The following C9orf72 variants were observed in gnomAD, a reference collection of about 807,000 sequenced individuals.
C9orf72 encodes the protein guanine nucleotide exchange factor C9orf72.
In C9orf72, 44 loss-of-function variants were observed where a neutral mutation model predicts 51.6. The ratio of observed to expected loss-of-function variants is 0.85; its 90% CI spans 0.67 to 1.10. The LOEUF is 1.10. Among genes scored for constraint, C9orf72 ranks in the 50% least tolerant of loss-of-function variants. The pLI is 0.00. For missense variants in C9orf72, 607 were observed against 570.6 expected (o/e 1.06, Z -0.65); for synonymous variants, 213 against 194.2 (o/e 1.10, Z -0.81).
chr9:27,550,908 A>G (rs558116872), intron 8 of C9orf72, among the ~76,000 whole-genome samples: 2 of 152,262 alleles, frequency 1.3e-5, no homozygotes, highest in East Asian at 3.9e-4. Context: ...TCAAGGATAT[A>G]TTTACATTTT....
At chr9:27,568,086 C>CAAA (rs11418499) in intron 1 of C9orf72, among the ~76,000 whole-genome samples, 15,590 of 80,268 alleles carry the variant, frequency 0.19, 1,703 homozygotes, top group Non-Finnish European at 0.22. Context: ...GCTAAAAGGT[C>CAAA]AAAAAAAAAA....
chr9:27,566,146 T>C (rs1291040588), intron 2 of C9orf72, among the ~76,000 whole-genome samples: 1 of 152,144 alleles, frequency 6.6e-6, no homozygotes, highest in Non-Finnish European at 1.5e-5. Flanking sequence ...GTAAATAGCA[T>C]TATATATTCA....
chr9:27,559,591 A>T (rs1208374766), intron 6 of C9orf72: 1 of 152,160 alleles, frequency 6.6e-6, no homozygotes. Flanking sequence ...TTAAAAAATT[A>T]GGTTTGCTGA....
chr9:27,560,701 TA>T, intron 5 of C9orf72: 1 of 987,774 alleles, frequency 1.0e-6, no homozygotes, highest in Non-Finnish European at 1.2e-6. Context: ...TTCAAGCCAT[TA>T]AGGCTCTTAG....
intron 1 of C9orf72, among the ~76,000 whole-genome samples, chr9:27,572,386 T>C (rs1348679463): frequency 6.6e-6 from 1 of 152,188 alleles, no homozygotes; most frequent in African/African-American, 2.4e-5. Context: ...CCCTATATGA[T>C]AGTCTTGTTT....
chr9:27,553,388 G>C (rs1587302924), intron 8 of C9orf72, among the ~76,000 whole-genome samples: 1 of 152,050 alleles, frequency 6.6e-6, no homozygotes, highest in South Asian at 2.1e-4. Flanking sequence ...GGAGAATAGA[G>C]AGCCAAGAAA....
In C9orf72 at chr9:27,566,714, G is replaced by A; in HGVS notation, c.407C>T (p.Thr136Ile). The A allele has an allele frequency of 6.2e-7, 1 of 1,612,180 alleles. No homozygotes were observed. The highest frequency in any genetic ancestry group is 1.7e-4 in the Middle Eastern group (1 of 6,040). ...PLHRVCVDRL[T>I]HIIRKGRIWM... Reference sequence around the variant, plus strand: ...TATTCTTCCTTTCCGGATTATATGTGTTAATCTATCAACACACACTCTATG... The same window carrying A: ...TATTCTTCCTTTCCGGATTATATGTATTAATCTATCAACACACACTCTATG... Residue 136 changes from threonine to isoleucine, a missense_variant, in exon 2 of 11, where the codon ACA becomes ATA. Physicochemically the swap from Thr to Ile is moderately conservative, Grantham distance 89. Coordinates refer to ENST00000380003, the MANE Select transcript of C9orf72 (RefSeq NM_018325.5).
intron 5 of C9orf72, 50 bp from the exon 6 acceptor site, chr9:27,560,349 A>G: frequency 6.9e-7 from 1 of 1,453,964 alleles, no homozygotes; most frequent in Middle Eastern, 1.8e-4. Context: ...AAACAATTTA[A>G]CAAACTAAAA....
At position 27,546,581 on chromosome 9, in the gene C9orf72, T is replaced by A. The variant is rs545232414; in HGVS notation, c.*1655A>T. 2 of 152,212 alleles carry A rather than the reference T, an allele frequency of 1.3e-5. No homozygotes were observed. The highest frequency in any genetic ancestry group is 4.8e-5 in the African/African-American group (2 of 41,538). 9.4% of individuals were successfully genotyped at this position (152,212 alleles called of 1,614,324 possible). A position where few individuals can be genotyped will look rare whatever the true frequency, so the allele number is the denominator to read the frequency against. On this transcript the variant is annotated 3_prime_UTR_variant, in exon 11 of 11. Coordinates refer to ENST00000380003, the MANE Select transcript of C9orf72 (RefSeq NM_018325.5). ...ATATATTTTATTCAAAATTCTCCAT[T>A]TAGGAGAAAAGATATATAACAATGT...
At chr9:27,553,665 A>T (rs958997457) in intron 8 of C9orf72, among the ~76,000 whole-genome samples, 1 of 152,178 alleles carries the variant, frequency 6.6e-6, no homozygotes, top group Non-Finnish European at 1.5e-5. Context: ...AGATTTTATG[A>T]TGAAGACGCC....
chr9:27,557,921 T>C (rs10757665), intron 7 of C9orf72, among the ~76,000 whole-genome samples: 29,511 of 151,720 alleles, frequency 0.19, 3,098 homozygotes, highest in Non-Finnish European at 0.23. Flanking sequence ...GGGACTATAA[T>C]TGAAATAACA....
intron 1 of C9orf72, among the ~76,000 whole-genome samples, chr9:27,572,655 G>T (rs1819612562): frequency 6.6e-6 from 1 of 152,110 alleles, no homozygotes; most frequent in Non-Finnish European, 1.5e-5. Flanking sequence ...GGAAAGTGCA[G>T]GACCTCCCTC....
At chr9:27,566,616 A>G (rs2131544999) in intron 2 of C9orf72, 61 bp downstream of exon 2, 1 of 1,151,888 alleles carries the variant, frequency 8.7e-7, no homozygotes, top group South Asian at 1.5e-5. Context: ...ATTTATATGT[A>G]CCAGAAAATA....
chr9:27,573,422 C>G lies in C9orf72; in HGVS notation c.-45+9G>C, dbSNP rs1282220434. On this transcript the variant is annotated intron_variant, in intron 1 of 10. Transcript: ENST00000380003. The stretch of plus-strand genomic sequence containing the variant: ...CAGCCACCCGCCAGGATGCCGCCTC[C>G]TCACTCACCCACTCGCCACCGCCTG... 1 of 151,970 alleles carries G rather than the reference C, an allele frequency of 6.6e-6. No homozygotes were observed. The highest frequency in any genetic ancestry group is 1.8e-4 in the South Asian group (1 of 5,462). The allele number at this position is 151,970 out of a possible 1,614,324, so 9.4% of individuals were successfully genotyped here. A position where few individuals can be genotyped will look rare whatever the true frequency, so the allele number is the denominator to read the frequency against.
chr9:27,556,510 C>A, intron 8 of C9orf72, 51 bp downstream of exon 8: 2 of 1,211,456 alleles, frequency 1.7e-6, no homozygotes, highest in South Asian at 1.4e-5. Context: ...TCGTAAAAGA[C>A]ACAATTTCAT....
chr9:27,552,515 A>ATTTTTTTTTTTTTT (rs71492751), intron 8 of C9orf72, among the ~76,000 whole-genome samples: 1 of 105,648 alleles, frequency 9.5e-6, no homozygotes. Flanking sequence ...TACCAAGCTA[A>ATTTTTTTTTTTTTT]TTTTTTTTTT....
chr9:27,558,515 C>T lies in C9orf72; in HGVS notation c.831G>A (p.Gly277=). Residue 277 remains glycine (G), a synonymous_variant, in exon 7 of 11, where the codon GGG becomes GGA. Coordinates refer to ENST00000380003, the MANE Select transcript of C9orf72 (RefSeq NM_018325.5). Reference sequence around the variant, plus strand: ...CCTTTAGCAGGCCTTGTACAAAGAGCCCTGACTCATATTTAAATGATGATT... The same window carrying T: ...CCTTTAGCAGGCCTTGTACAAAGAGTCCTGACTCATATTTAAATGATGATT... ...EAESSFKYES[G]LFVQGLLKDS... 1.3e-6 allele frequency: 2 copies of T among 1,599,336 alleles called. No homozygotes were observed. The highest frequency in any genetic ancestry group is 1.7e-6 in the Non-Finnish European group (2 of 1,170,868).
chr9:27,561,819 GA>G (rs1243876714), intron 4 of C9orf72, among the ~76,000 whole-genome samples, 170 bp from the exon 5 acceptor site: 1 of 152,092 alleles, frequency 6.6e-6, no homozygotes, highest in Admixed American at 6.6e-5. Flanking sequence ...ATAAACTTCA[GA>G]AGAACAAATG....
At chr9:27,558,858 A>G in intron 6 of C9orf72, 1 of 329,472 alleles carries the variant, frequency 3.0e-6, no homozygotes, top group Non-Finnish European at 5.6e-6. Context: ...ATTTGGCTAC[A>G]TACTGTGACT....
Sources: allele counts gnomAD v4.1 joint callset (sites outside exome capture counted in the v4.1 genomes callset), GRCh38; gene constraint gnomAD v4.1.1; transcripts MANE v1.5; gene names NCBI Gene and HGNC (gene_info 2026-07-23, HGNC 2026-07-21).